ROBO2: variants seen among roughly 807,000 people sequenced by gnomAD.
The protein encoded by ROBO2 is roundabout homolog 2.
A neutral mutation model predicts 160.8 loss-of-function variants in ROBO2; 53 were observed. The observed-to-expected ratio is 0.33, with a 90% confidence interval of 0.26 to 0.41. The LOEUF (loss-of-function observed/expected upper bound fraction) is 0.41, where lower values mean the gene tolerates loss of function less well. Among genes scored for constraint, ROBO2 ranks in the 10% least tolerant of loss-of-function variants. ROBO2 has a pLI of 1.00. For missense variants in ROBO2, 1,577 were observed against 1,722.4 expected, an observed-to-expected ratio of 0.92 and a Z score of 1.49; for synonymous variants, 664 against 611.7, an observed-to-expected ratio of 1.09 and a Z score of -1.26.
intron 2 of ROBO2, among the ~76,000 whole-genome samples, chr3:76,663,212 C>G (rs1392425362): frequency 6.6e-6 from 1 of 152,106 alleles, no homozygotes; most frequent in African/African-American, 2.4e-5. Context: ...TCTTGGGAAA[C>G]CGACTGAGTA....
chr3:76,763,510 A>C (rs1232413250), intron 2 of ROBO2, among the ~76,000 whole-genome samples: 1 of 151,678 alleles, frequency 6.6e-6, no homozygotes, highest in Non-Finnish European at 1.5e-5. Context: ...TCTATATTTC[A>C]GACTGACTTG....
At chr3:77,456,466 T>C (rs1016481944) in intron 2 of ROBO2, among the ~76,000 whole-genome samples, 1 of 152,220 alleles carries the variant, frequency 6.6e-6, no homozygotes, top group Non-Finnish European at 1.5e-5. Flanking sequence ...CTAAAGGATA[T>C]ACAGTGTGCT....
chr3:77,419,965 A>C (rs1178784600), intron 2 of ROBO2, among the ~76,000 whole-genome samples: 1 of 152,190 alleles, frequency 6.6e-6, no homozygotes, highest in Non-Finnish European at 1.5e-5. Flanking sequence ...TTCTGAATCG[A>C]AGTTTCAGGA....
intron 2 of ROBO2, among the ~76,000 whole-genome samples, chr3:75,962,881 T>G (rs1393473310): frequency 6.6e-6 from 1 of 151,852 alleles, no homozygotes; most frequent in Non-Finnish European, 1.5e-5. Context: ...TTGTTGTTGT[T>G]GTTGCCGTTT....
At chr3:77,316,815 CA>C in intron 2 of ROBO2, 1 of 1,310,118 alleles carries the variant, frequency 7.6e-7, no homozygotes. Context: ...TCTTGCCATC[CA>C]GGAGAGCTGA....
chr3:76,058,251 A>G (rs1054774325), intron 2 of ROBO2, among the ~76,000 whole-genome samples: 2 of 151,950 alleles, frequency 1.3e-5, no homozygotes, highest in African/African-American at 4.8e-5. Flanking sequence ...TGTCCCTCCC[A>G]TAACCCCCTA....
intron 2 of ROBO2, among the ~76,000 whole-genome samples, chr3:76,030,476 C>T (rs62267218): frequency 0.21 from 31,750 of 151,926 alleles, 3,974 homozygotes; most frequent in African/African-American, 0.36. Flanking sequence ...CCCAGGTTTT[C>T]TTCTATGGTT....
At chr3:77,068,131 ATAAAGTTGTAAC>A (rs1285133170) in intron 1 of ROBO2, among the ~76,000 whole-genome samples, 1 of 152,122 alleles carries the variant, frequency 6.6e-6, no homozygotes, top group African/African-American at 2.4e-5. Flanking sequence ...CATTGTTTTC[ATAAAGTTGTAAC>A]TAAAGGGAAG....
rs1425892904 is a variant in ROBO2, at chr3:77,288,286, A to T, written c.389-189128A>T. ...GTAGTGGGTAGGAGAGAATAGAGGT[A>T]GAGAGGTGTTAACATAAGGCAAAAA... is the stretch of plus-strand genomic sequence containing the variant. On this transcript the variant is annotated intron_variant, in intron 2 of 25. Coordinates refer to ENST00000461745, the Ensembl canonical transcript of ROBO2. 2.0e-5 allele frequency among the ~76,000 whole-genome samples: 3 copies of T among 152,202 alleles called. No individual in the cohort carries two copies. In the East Asian group the frequency reaches 5.8e-4, roughly 29 times the overall value.
chr3:76,979,785 T>C (rs1181606416), intron 2 of ROBO2, among the ~76,000 whole-genome samples: 1 of 152,042 alleles, frequency 6.6e-6, no homozygotes, highest in Non-Finnish European at 1.5e-5. Context: ...TTTAAGATCT[T>C]AGTTTCCCTA....
At chr3:76,749,638 T>A (rs1376942345) in intron 2 of ROBO2, among the ~76,000 whole-genome samples, 1 of 152,072 alleles carries the variant, frequency 6.6e-6, no homozygotes, top group African/African-American at 2.4e-5. Context: ...TGAAAGAATA[T>A]ATTTTATATT....
intron 2 of ROBO2, among the ~76,000 whole-genome samples, chr3:76,579,607 A>G (rs1425858145): frequency 4.6e-5 from 7 of 152,098 alleles, no homozygotes; most frequent in Admixed American, 3.3e-4. Context: ...ATTATTTCAA[A>G]AATCTTAACT....
intron 1 of ROBO2, among the ~76,000 whole-genome samples, chr3:77,075,463 G>T (rs953086325): frequency 6.6e-6 from 1 of 152,076 alleles, no homozygotes; most frequent in African/African-American, 2.4e-5. Flanking sequence ...ACTTGAAGCG[G>T]GGTAGGGTAG....
At chr3:76,539,058 G>C (rs263521) in intron 2 of ROBO2, among the ~76,000 whole-genome samples, 5,811 of 152,126 alleles carry the variant, frequency 0.038, 383 homozygotes, top group African/African-American at 0.13. Flanking sequence ...CATGGATGAA[G>C]CTGGAAACCA....
intron 2 of ROBO2, among the ~76,000 whole-genome samples, chr3:76,382,858 G>C (rs978202485): frequency 1.3e-5 from 2 of 152,156 alleles, no homozygotes; most frequent in Non-Finnish European, 2.9e-5. Flanking sequence ...GCATCCTAGT[G>C]ACCTTCAAGG....
intron 2 of ROBO2, among the ~76,000 whole-genome samples, chr3:76,793,056 C>T (rs188488164): frequency 9.6e-4 from 145 of 151,578 alleles, no homozygotes; most frequent in African/African-American, 3.1e-3. Context: ...AACAAAAATG[C>T]GATTCCATCT....
intron 2 of ROBO2, among the ~76,000 whole-genome samples, chr3:76,811,524 G>T (rs2065156559): frequency 6.6e-6 from 1 of 151,958 alleles, no homozygotes; most frequent in South Asian, 2.1e-4. Flanking sequence ...AAATGTTGTG[G>T]ACTTTATACC....
At chr3:76,986,526 G>T (rs1220044682) in intron 2 of ROBO2, among the ~76,000 whole-genome samples, 1 of 151,988 alleles carries the variant, frequency 6.6e-6, no homozygotes, top group African/African-American at 2.4e-5. Context: ...TAAAGTTCTT[G>T]ACTTTCAGGG....
intron 2 of ROBO2, among the ~76,000 whole-genome samples, chr3:76,604,989 A>G (rs941047036): frequency 2.6e-5 from 4 of 152,188 alleles, no homozygotes; most frequent in Non-Finnish European, 4.4e-5. Flanking sequence ...CTGAAAGGCT[A>G]TGTCAACTTG....
Sources: allele counts gnomAD v4.1 joint callset (sites outside exome capture counted in the v4.1 genomes callset), GRCh38; gene constraint gnomAD v4.1.1; transcripts MANE v1.5; gene names NCBI Gene and HGNC (gene_info 2026-07-23, HGNC 2026-07-21).